The following CNTN1 variants were observed in gnomAD, a reference collection of about 807,000 sequenced individuals.
CNTN1 encodes the protein contactin-1.
A neutral mutation model predicts 126.4 loss-of-function variants in CNTN1; 38 were observed. The ratio of observed to expected loss-of-function variants is 0.30; its 90% CI spans 0.23 to 0.39. CNTN1 has a LOEUF of 0.39. Ranked by LOEUF, CNTN1 falls within the 10% of genes least tolerant of loss-of-function variation. The pLI, the probability that CNTN1 is intolerant of heterozygous loss-of-function variation, is 1.00. For missense variants in CNTN1, 1,009 were observed against 1,248.4 expected (o/e 0.81, Z 2.89); for synonymous variants, 413 against 422.6 (o/e 0.98, Z 0.28).
intron 1 of CNTN1, among the ~76,000 whole-genome samples, chr12:40,819,846 A>C (rs1441670562): frequency 6.6e-6 from 1 of 152,158 alleles, no homozygotes; most frequent in African/African-American, 2.4e-5. Context: ...ATTTCTGTGG[A>C]AAAAGGACAG....
At chr12:40,869,240 G>A (rs1428480853) in intron 1 of CNTN1, among the ~76,000 whole-genome samples, 1 of 149,344 alleles carries the variant, frequency 6.7e-6, no homozygotes, top group Non-Finnish European at 1.5e-5. Flanking sequence ...AAAAAATAAG[G>A]ATGACAGGAT....
chr12:40,820,004 G>T (rs1439543573), intron 1 of CNTN1, among the ~76,000 whole-genome samples: 1 of 152,142 alleles, frequency 6.6e-6, no homozygotes, highest in Non-Finnish European at 1.5e-5. Flanking sequence ...AGTCAATTTT[G>T]ATGAGAGAAC....
intron 1 of CNTN1, among the ~76,000 whole-genome samples, chr12:40,710,046 T>C (rs1473197893): frequency 1.3e-5 from 2 of 152,168 alleles, no homozygotes; most frequent in Non-Finnish European, 2.9e-5. Context: ...CTTACTAATC[T>C]TAATAATTTT....
intron 1 of CNTN1, among the ~76,000 whole-genome samples, chr12:40,907,252 C>T (rs1404798756): frequency 1.3e-5 from 2 of 152,152 alleles, no homozygotes; most frequent in African/African-American, 2.4e-5. Flanking sequence ...CCATTCCCAC[C>T]GTGCTGTGTT....
intron 22 of CNTN1, 29 bp downstream of exon 22, chr12:41,027,998 T>G: frequency 2.8e-6 from 4 of 1,440,496 alleles, no homozygotes; most frequent in Non-Finnish European, 2.9e-6. Context: ...GATTAATGTT[T>G]GCAATTCTTG....
intron 1 of CNTN1, among the ~76,000 whole-genome samples, chr12:40,723,365 C>T (rs1375889583): frequency 2.0e-5 from 3 of 152,210 alleles, no homozygotes; most frequent in Non-Finnish European, 2.9e-5. Context: ...CCAACCTCAG[C>T]TGCTTTACGC....
At chr12:40,868,857 T>C (rs1168109744) in intron 1 of CNTN1, among the ~76,000 whole-genome samples, 1 of 152,138 alleles carries the variant, frequency 6.6e-6, no homozygotes, top group Non-Finnish European at 1.5e-5. Context: ...GGTACTGTGC[T>C]AGAAAGCAAT....
chr12:40,789,869 A>AT lies in CNTN1; in HGVS notation c.-77+97280dup, dbSNP rs565302070. Reference sequence around the variant, plus strand: ...ATAATTGTATTATCATTTTTGTAAAATTTCCATATTTCTGTATATTTCCTT... The same window carrying AT: ...ATAATTGTATTATCATTTTTGTAAAATTTTCCATATTTCTGTATATTTCCTT... On this transcript the variant is annotated intron_variant, in intron 1 of 23. Coordinates refer to ENST00000551295, the MANE Select transcript of CNTN1 (RefSeq NM_001843.4). Among the ~76,000 whole-genome samples, 201 of 152,134 alleles carry AT rather than the reference A, an allele frequency of 1.3e-3. 1 individual carries two copies. Among genetic ancestry groups the AT allele is most frequent in the African/African-American group, 4.6e-3 (191 of 41,520 alleles).
At chr12:41,064,122 C>T (rs1425971490) in intron 23 of CNTN1, among the ~76,000 whole-genome samples, 4 of 150,300 alleles carry the variant, frequency 2.7e-5, no homozygotes, top group Non-Finnish European at 4.4e-5. Flanking sequence ...TTCAGTTAGC[C>T]GAGATCGCGC....
intron 1 of CNTN1, among the ~76,000 whole-genome samples, chr12:40,758,930 G>A (rs866036585): frequency 2.2e-4 from 34 of 151,986 alleles, no homozygotes; most frequent in Middle Eastern, 3.4e-3. Context: ...TTGAGATGGA[G>A]TTTCACTCTT....
At position 40,979,169 on chromosome 12, in the gene CNTN1, G is replaced by A. The variant is rs1947758867; in HGVS notation, c.1805-1740G>A. 2.6e-5 allele frequency: 4 copies of A among 152,012 alleles called. No individual in the cohort carries two copies. In the South Asian group the frequency reaches 8.3e-4, roughly 32 times the overall value. 9.4% of individuals were successfully genotyped at this position (152,012 alleles called of 1,614,324 possible). ...TAAGAAGTCTAAGTATACTATTATA[G>A]GTTACAAATTTATAAAAGTTCGCTT... On this transcript the variant is annotated intron_variant, in intron 15 of 23. Coordinates refer to ENST00000551295, the MANE Select transcript of CNTN1 (RefSeq NM_001843.4).
At chr12:41,001,455 T>C (rs1377357057) in intron 17 of CNTN1, among the ~76,000 whole-genome samples, 1 of 152,150 alleles carries the variant, frequency 6.6e-6, no homozygotes, top group African/African-American at 2.4e-5. Context: ...GGGTTGTTTT[T>C]TCTTGTAAAT....
intron 4 of CNTN1, among the ~76,000 whole-genome samples, chr12:40,920,874 A>C (rs1364589959): frequency 6.6e-6 from 1 of 152,220 alleles, no homozygotes; most frequent in Non-Finnish European, 1.5e-5. Flanking sequence ...AGACAGAAAA[A>C]GGTAATCCTT....
chr12:40,815,788 G>A (rs754712352), intron 1 of CNTN1, among the ~76,000 whole-genome samples: 1 of 152,160 alleles, frequency 6.6e-6, no homozygotes, highest in Non-Finnish European at 1.5e-5. Flanking sequence ...CTGTAGGTTT[G>A]TCATAAATAG....
rs567007380 is a variant in CNTN1, at chr12:40,839,555, G to A, written c.-76-68802G>A. On this transcript the variant is annotated intron_variant, in intron 1 of 23. Transcript: ENST00000551295. ...GAAAATATCTAGTCATCTATAAAGGGAACCCCATTAGATTAAAAGCAGATT... is the reference window on the plus strand; with the variant it reads ...GAAAATATCTAGTCATCTATAAAGGAAACCCCATTAGATTAAAAGCAGATT... Among the ~76,000 whole-genome samples the A allele has an allele frequency of 3.0e-4, 46 of 152,180 alleles. 1 individual carries two copies. In the South Asian group the frequency reaches 9.3e-3, roughly 31 times the overall value.
chr12:40,888,381 A>G (rs781770092), intron 1 of CNTN1, among the ~76,000 whole-genome samples: 8 of 152,174 alleles, frequency 5.3e-5, no homozygotes, highest in Non-Finnish European at 1.2e-4. Context: ...CTAATTTTTC[A>G]TAGAGAAATG....
intron 12 of CNTN1, among the ~76,000 whole-genome samples, chr12:40,940,138 G>A (rs1233260027): frequency 6.6e-6 from 1 of 152,082 alleles, no homozygotes; most frequent in African/African-American, 2.4e-5. Flanking sequence ...AGAAAGCCAG[G>A]ATGGGAAATG....
intron 12 of CNTN1, among the ~76,000 whole-genome samples, chr12:40,940,306 A>G (rs1946223758): frequency 6.6e-6 from 1 of 152,108 alleles, no homozygotes; most frequent in South Asian, 2.1e-4. Context: ...TTGTCTTTAG[A>G]GGAAAATGGA....
chr12:41,008,766 T>A (rs1194807673), intron 17 of CNTN1, among the ~76,000 whole-genome samples: 1 of 152,208 alleles, frequency 6.6e-6, no homozygotes, highest in Non-Finnish European at 1.5e-5. Context: ...ATCTCTCTTT[T>A]AAACAACTAG....
Sources: allele counts gnomAD v4.1 joint callset (sites outside exome capture counted in the v4.1 genomes callset), GRCh38; gene constraint gnomAD v4.1.1; transcripts MANE v1.5; gene names NCBI Gene and HGNC (gene_info 2026-07-23, HGNC 2026-07-21).